The following GALNT13 variants were observed in gnomAD, a reference collection of about 807,000 sequenced individuals.
The protein encoded by GALNT13 is UDP-GalNAc:polypeptide N-acetylgalactosaminyltransferase 13.
A neutral mutation model predicts 64.2 loss-of-function variants in GALNT13; 28 were observed. The ratio of observed to expected loss-of-function variants is 0.44; its 90% CI spans 0.32 to 0.60. The LOEUF (loss-of-function observed/expected upper bound fraction) is 0.60, where lower values mean the gene tolerates loss of function less well. Ranked by LOEUF, GALNT13 falls within the 20% of genes least tolerant of loss-of-function variation. The pLI is 0.05. For missense variants in GALNT13, 577 were observed against 669.8 expected (o/e 0.86, Z 1.53); for synonymous variants, 214 against 224.6 (o/e 0.95, Z 0.42).
the GALNT13 span, among the ~76,000 whole-genome samples, chr2:153,778,578 T>C: frequency 1.6e-4 from 25 of 152,328 alleles, no homozygotes; most frequent in African/African-American, 6.0e-4. Context: ...TCTACATCTT[T>C]TATGTAACCT....
the GALNT13 span, among the ~76,000 whole-genome samples, chr2:153,579,630 C>A: frequency 6.6e-6 from 1 of 152,072 alleles, no homozygotes; most frequent in African/African-American, 2.4e-5. Flanking sequence ...CAGCAGCGGT[C>A]CCCAACCCCT....
the GALNT13 span, among the ~76,000 whole-genome samples, chr2:153,545,919 G>T: frequency 6.6e-6 from 1 of 152,182 alleles, no homozygotes; most frequent in East Asian, 1.9e-4. Flanking sequence ...GACAGGAAAT[G>T]GAACCCAGCT....
chr2:153,948,941 G>A (rs1176598483), intron 3 of GALNT13, among the ~76,000 whole-genome samples: 5 of 152,066 alleles, frequency 3.3e-5, no homozygotes, highest in Non-Finnish European at 7.4e-5. Context: ...ACAAACCCAA[G>A]TGACACATGT....
the GALNT13 span, among the ~76,000 whole-genome samples, chr2:153,144,123 C>T: frequency 6.6e-6 from 1 of 151,960 alleles, no homozygotes; most frequent in East Asian, 1.9e-4. Context: ...TTCTTTTCTC[C>T]ATTTTTAGAA....
chr2:153,410,873 T>A, the GALNT13 span, among the ~76,000 whole-genome samples: 66,167 of 150,008 alleles, frequency 0.44, 15,858 homozygotes, highest in African/African-American at 0.65. Context: ...AAATATATAT[T>A]TAGAGAGAGA....
At chr2:153,731,154 A>G in the GALNT13 span, among the ~76,000 whole-genome samples, 2 of 151,636 alleles carry the variant, frequency 1.3e-5, no homozygotes, top group Admixed American at 6.6e-5. Flanking sequence ...TATATTTCAC[A>G]TATGTGATGT....
the GALNT13 span, among the ~76,000 whole-genome samples, chr2:153,401,925 A>G: frequency 6.6e-6 from 1 of 150,988 alleles, no homozygotes; most frequent in Non-Finnish European, 1.5e-5. Flanking sequence ...TAGTCCATTT[A>G]CATTTAAAGT....
At chr2:153,507,127 T>A in the GALNT13 span, among the ~76,000 whole-genome samples, 1 of 152,110 alleles carries the variant, frequency 6.6e-6, no homozygotes, top group African/African-American at 2.4e-5. Flanking sequence ...TTCTTCTGCT[T>A]GTTAGATTCT....
At chr2:153,443,847 C>T in the GALNT13 span, among the ~76,000 whole-genome samples, 32 of 152,054 alleles carry the variant, frequency 2.1e-4, no homozygotes, top group African/African-American at 7.0e-4. Flanking sequence ...TGCTTGAGCC[C>T]GAGTGGCAGA....
the GALNT13 span, among the ~76,000 whole-genome samples, chr2:153,681,126 A>G: frequency 9.9e-5 from 15 of 151,852 alleles, no homozygotes; most frequent in Non-Finnish European, 1.8e-4. Flanking sequence ...AGGATCCCCA[A>G]TTTGTCTGAC....
chr2:153,244,516 G>C, the GALNT13 span, among the ~76,000 whole-genome samples: 1 of 152,202 alleles, frequency 6.6e-6, no homozygotes, highest in Non-Finnish European at 1.5e-5. Context: ...AGCAGAAGCA[G>C]GGTGGGGTGT....
the GALNT13 span, among the ~76,000 whole-genome samples, chr2:153,284,893 C>G: frequency 6.6e-6 from 1 of 151,920 alleles, no homozygotes; most frequent in Non-Finnish European, 1.5e-5. Flanking sequence ...GTCCACTGTC[C>G]AATAATAAAC....
In GALNT13 at chr2:154,133,534, TTATATATATA is replaced by T. The variant is rs201083794; in HGVS notation, c.143-6761_143-6752del. ...TTTTTCAGTAACATAACAGACCATT[TTATATATATA>T]TATATATATATATATATATATATAT... On this transcript the variant is annotated intron_variant, in intron 3 of 12. Coordinates refer to ENST00000392825, the MANE Select transcript of GALNT13 (RefSeq NM_052917.4). Among the ~76,000 whole-genome samples the T allele has an allele frequency of 8.0e-3, 619 of 77,102 alleles. 4 individuals carry two copies. Among genetic ancestry groups the T allele is most frequent in the African/African-American group, 0.031 (491 of 15,962 alleles). The allele number at this position is 77,102 out of a possible 152,430, so 50.6% of individuals were successfully genotyped here. A position where few individuals can be genotyped will look rare whatever the true frequency, so the allele number is the denominator to read the frequency against.
chr2:153,768,354 C>T, the GALNT13 span, among the ~76,000 whole-genome samples: 2 of 152,088 alleles, frequency 1.3e-5, no homozygotes, highest in African/African-American at 4.8e-5. Context: ...TGTTGATTTT[C>T]GGCCTTGATG....
At chr2:153,413,635 C>T in the GALNT13 span, among the ~76,000 whole-genome samples, 3 of 152,094 alleles carry the variant, frequency 2.0e-5, no homozygotes, top group Admixed American at 6.6e-5. Flanking sequence ...TAAAATAGAT[C>T]CTAATTCTTT....
chr2:154,088,444 G>T (rs760480953), intron 3 of GALNT13, among the ~76,000 whole-genome samples: 63 of 152,018 alleles, frequency 4.1e-4, no homozygotes, highest in Admixed American at 1.7e-3. Flanking sequence ...AGGTAACAGT[G>T]CTTATTTCTT....
chr2:153,243,407 G>A, the GALNT13 span, among the ~76,000 whole-genome samples: 2 of 152,176 alleles, frequency 1.3e-5, no homozygotes, highest in Non-Finnish European at 2.9e-5. Context: ...TATGCTGAAA[G>A]CAGTCAGACC....
intron 4 of GALNT13, among the ~76,000 whole-genome samples, chr2:154,164,689 A>C (rs910090522): frequency 3.3e-5 from 5 of 152,114 alleles, no homozygotes; most frequent in Non-Finnish European, 5.9e-5. Context: ...CTTTGTAAGG[A>C]ACATAAGAAA....
the GALNT13 span, among the ~76,000 whole-genome samples, chr2:153,618,832 A>G: frequency 1.3e-5 from 2 of 151,888 alleles, no homozygotes; most frequent in Non-Finnish European, 2.9e-5. Context: ...ATATAAGTGT[A>G]GCAACTTCTG....
Sources: gnomAD v4.1 joint callset for allele counts (sites outside exome capture counted in the v4.1 genomes callset) on GRCh38, gnomAD v4.1.1 for gene constraint, MANE v1.5 for transcripts, NCBI Gene and HGNC (gene_info 2026-07-23, HGNC 2026-07-21) for gene names.